Variants in ACVR2A observed in about 807,000 individuals in gnomAD.
ACVR2A encodes the protein activin A receptor type 2A.
ACVR2A carries 7 observed loss-of-function variants against 61.4 expected under a neutral mutation model. The ratio of observed to expected loss-of-function variants is 0.11; its 90% CI spans 0.06 to 0.21. The LOEUF is 0.21. Among genes scored for constraint, ACVR2A ranks in the 10% least tolerant of loss-of-function variants. The pLI is 1.00. For missense variants in ACVR2A, 322 were observed against 621.7 expected (o/e 0.52, Z 5.13); for synonymous variants, 193 against 208.3 (o/e 0.93, Z 0.63).
intron 4 of ACVR2A, among the ~76,000 whole-genome samples, chr2:147,912,981 G>GGTGATC (rs1401298079): frequency 6.6e-5 from 10 of 151,694 alleles, no homozygotes; most frequent in African/African-American, 2.4e-4. Flanking sequence ...ATAGTAGGAG[G>GGTGATC]GTGATCTAAG....
At chr2:147,851,766 G>A (rs1474254000) in intron 1 of ACVR2A, among the ~76,000 whole-genome samples, 9 of 152,050 alleles carry the variant, frequency 5.9e-5, no homozygotes, top group Non-Finnish European at 1.3e-4. Context: ...CTGTGCAAAT[G>A]TTTACTTTCC....
intron 1 of ACVR2A, among the ~76,000 whole-genome samples, chr2:147,879,022 G>T (rs557011418): frequency 6.6e-6 from 1 of 152,186 alleles, no homozygotes; most frequent in African/African-American, 2.4e-5. Context: ...TAGTTTCTTG[G>T]GAGTAGACCA....
chr2:147,911,629 T>C (rs983459394), intron 4 of ACVR2A, among the ~76,000 whole-genome samples: 22 of 152,092 alleles, frequency 1.4e-4, no homozygotes, highest in Non-Finnish European at 2.5e-4. Context: ...CATTTTGTTC[T>C]TAGATTTTTG....
chr2:147,923,468 G>C (rs1687434154), intron 9 of ACVR2A, among the ~76,000 whole-genome samples: 1 of 152,050 alleles, frequency 6.6e-6, no homozygotes, highest in African/African-American at 2.4e-5. Flanking sequence ...ATGAAACCTA[G>C]ATTTGAAACT....
At chr2:147,853,655 A>G (rs747181868) in intron 1 of ACVR2A, among the ~76,000 whole-genome samples, 23 of 152,154 alleles carry the variant, frequency 1.5e-4, no homozygotes, top group Non-Finnish European at 3.1e-4. Flanking sequence ...GACTGGCTAC[A>G]CATGTGGGGA....
At chr2:147,864,730 T>C (rs762950048) in intron 1 of ACVR2A, among the ~76,000 whole-genome samples, 4 of 152,162 alleles carry the variant, frequency 2.6e-5, no homozygotes, top group Non-Finnish European at 4.4e-5. Flanking sequence ...AAACCAAATA[T>C]AGCCATAATC....
chr2:147,873,041 C>T (rs1411882240), intron 1 of ACVR2A, among the ~76,000 whole-genome samples: 1 of 151,908 alleles, frequency 6.6e-6, no homozygotes, highest in East Asian at 1.9e-4. Flanking sequence ...TGCCCACATA[C>T]ATTATTTGTG....
chr2:147,881,774 T>TGAGAGGATAG (rs1346219722), intron 1 of ACVR2A, among the ~76,000 whole-genome samples: 4 of 151,930 alleles, frequency 2.6e-5, no homozygotes, highest in African/African-American at 9.7e-5. Flanking sequence ...ATTAAGTTTG[T>TGAGAGGATAG]GAGAGGATAG....
rs369211946 is a variant in ACVR2A, at chr2:147,904,015, C to T, written c.528+4117C>T. 1.1e-3 allele frequency among the ~76,000 whole-genome samples: 163 copies of T among 151,980 alleles called. 1 individual carries two copies. Among genetic ancestry groups the T allele is most frequent in the South Asian group, 3.5e-3 (17 of 4,824 alleles). ...TTTAGGGCTTTGCGTTGAGAGAAAT[C>T]TTGAGGCCATGATTTTGTGGGGGGC... On this transcript the variant is annotated intron_variant, in intron 4 of 10. Transcript: ENST00000241416.
chr2:147,873,621 T>G (rs993546931), intron 1 of ACVR2A, among the ~76,000 whole-genome samples: 4 of 151,788 alleles, frequency 2.6e-5, no homozygotes, highest in African/African-American at 7.2e-5. Flanking sequence ...GTAGACCTTG[T>G]GCAGGGAATT....
chr2:147,878,293 G>A (rs1398384817), intron 1 of ACVR2A, among the ~76,000 whole-genome samples: 1 of 152,172 alleles, frequency 6.6e-6, no homozygotes, highest in Non-Finnish European at 1.5e-5. Flanking sequence ...AAACATGTGT[G>A]TGAATCTGAT....
chr2:147,877,999 T>TA (rs1686202423), intron 1 of ACVR2A, among the ~76,000 whole-genome samples: 1 of 152,232 alleles, frequency 6.6e-6, no homozygotes, highest in African/African-American at 2.4e-5. Context: ...TGTGAATACT[T>TA]ATAGTAGAAG....
intron 6 of ACVR2A, among the ~76,000 whole-genome samples, chr2:147,917,753 T>G (rs997979913): frequency 2.0e-5 from 3 of 151,958 alleles, no homozygotes; most frequent in Non-Finnish European, 2.9e-5. Context: ...CAATTCATTT[T>G]GATTACGTGA....
intron 1 of ACVR2A, among the ~76,000 whole-genome samples, chr2:147,887,658 T>C (rs536145573): frequency 3.5e-4 from 53 of 152,234 alleles, no homozygotes; most frequent in Non-Finnish European, 4.3e-4. Context: ...TTGAAATATG[T>C]ATATGTTGTG....
At chr2:147,859,040 A>C (rs923512137) in intron 1 of ACVR2A, among the ~76,000 whole-genome samples, 1 of 152,066 alleles carries the variant, frequency 6.6e-6, no homozygotes, top group Non-Finnish European at 1.5e-5. Context: ...TGTTTAAAAA[A>C]CTTTGTTCGG....
In ACVR2A at chr2:147,928,363, A is replaced by ATCACC. The variant is rs1166107448; in HGVS notation, c.*1093_*1097dup. ...GGACATTCTTTATCACTGTTTTAGG[A>ATCACC]TCACCTCAGGAAGTGTCGTTACCCA... On this transcript the variant is annotated 3_prime_UTR_variant, in exon 11 of 11. Transcript: ENST00000241416. 1 of 152,118 alleles carries ATCACC rather than the reference A, an allele frequency of 6.6e-6. No homozygotes were observed. The highest frequency in any genetic ancestry group is 1.9e-4 in the East Asian group (1 of 5,166). The allele number at this position is 152,118 out of a possible 1,614,324, so 9.4% of individuals were successfully genotyped here. A position where few individuals can be genotyped will look rare whatever the true frequency, so the allele number is the denominator to read the frequency against.
intron 1 of ACVR2A, among the ~76,000 whole-genome samples, chr2:147,882,348 C>G (rs566617944): frequency 6.6e-6 from 1 of 152,260 alleles, no homozygotes; most frequent in East Asian, 1.9e-4. Flanking sequence ...GTCAGGAGTT[C>G]GAGACCAGCC....
chr2:147,898,974 C>T (rs865874359), intron 2 of ACVR2A, among the ~76,000 whole-genome samples: 3 of 151,992 alleles, frequency 2.0e-5, no homozygotes, highest in African/African-American at 7.2e-5. Flanking sequence ...CCATGAGATA[C>T]GAGCTTTTAT....
chr2:147,862,206 A>G (rs958212439), intron 1 of ACVR2A, among the ~76,000 whole-genome samples: 5 of 151,936 alleles, frequency 3.3e-5, no homozygotes, highest in African/African-American at 1.2e-4. Flanking sequence ...TCAGAAACCC[A>G]TGTTTAGAGT....
Sources: allele counts gnomAD v4.1 joint callset (sites outside exome capture counted in the v4.1 genomes callset), GRCh38; gene constraint gnomAD v4.1.1; transcripts MANE v1.5; gene names NCBI Gene and HGNC (gene_info 2026-07-23, HGNC 2026-07-21).